EXOC4: variants seen among roughly 807,000 people sequenced by gnomAD.
EXOC4 encodes the protein exocyst complex component 4, also known as SEC8-like 1.
A neutral mutation model predicts 107.2 loss-of-function variants in EXOC4; 71 were observed. The ratio of observed to expected loss-of-function variants is 0.66; its 90% CI spans 0.55 to 0.81. EXOC4 has a LOEUF of 0.81. Ranked by LOEUF, EXOC4 falls within the 30% of genes least tolerant of loss-of-function variation. EXOC4 has a pLI of 0.00. For synonymous variants in EXOC4, 456 were observed against 441.2 expected (o/e 1.03, Z -0.42); for missense variants, 1,108 against 1,189.6 (o/e 0.93, Z 1.01).
At position 134,038,591 on chromosome 7, in the gene EXOC4, C is replaced by G. The variant is rs567324748; in HGVS notation, c.2688-25700C>G. Among the ~76,000 whole-genome samples, 6 of 152,198 alleles carry G rather than the reference C, an allele frequency of 3.9e-5. No homozygotes were observed. The East Asian group carries it at 9.7e-4, about 24-fold the overall frequency. On this transcript the variant is annotated intron_variant, in intron 17 of 17. Transcript: ENST00000253861. The stretch of plus-strand genomic sequence containing the variant: ...TATTCTCTATTGCTTCCTTCTGATT[C>G]CTCATCTCTTTCCCAGTCTCCACCC...
intron 9 of EXOC4, among the ~76,000 whole-genome samples, chr7:133,534,635 A>G (rs992260406): frequency 6.6e-6 from 1 of 152,222 alleles, no homozygotes; most frequent in Non-Finnish European, 1.5e-5. Context: ...ATTAACATGT[A>G]TATACACTCG....
intron 9 of EXOC4, chr7:133,551,479 T>A (rs1800588370): frequency 6.6e-6 from 1 of 152,172 alleles, no homozygotes; most frequent in Non-Finnish European, 1.5e-5. Context: ...TTGCTCTCTT[T>A]TTTGGAAGGA....
chr7:133,534,262 C>T (rs1326053937), intron 9 of EXOC4, among the ~76,000 whole-genome samples: 1 of 152,108 alleles, frequency 6.6e-6, no homozygotes, highest in African/African-American at 2.4e-5. Flanking sequence ...TTGAAATGTA[C>T]ATTTGCACAA....
chr7:133,653,154 T>TA (rs549537018), intron 10 of EXOC4, among the ~76,000 whole-genome samples: 9 of 152,310 alleles, frequency 5.9e-5, no homozygotes, highest in Admixed American at 5.9e-4. Context: ...TTCTACATAT[T>TA]ACATGGTGGG....
At chr7:133,604,891 T>C (rs1801902694) in intron 9 of EXOC4, among the ~76,000 whole-genome samples, 1 of 151,682 alleles carries the variant, frequency 6.6e-6, no homozygotes. Flanking sequence ...ACCCAGCTAA[T>C]ATTTTTTATT....
At chr7:133,297,887 G>T (rs1481367161) in intron 3 of EXOC4, among the ~76,000 whole-genome samples, 1 of 152,202 alleles carries the variant, frequency 6.6e-6, no homozygotes, top group African/African-American at 2.4e-5. Context: ...TCTAAGTCGA[G>T]AATAATACCT....
At chr7:133,517,737 A>G (rs1799905545) in intron 9 of EXOC4, among the ~76,000 whole-genome samples, 1 of 152,178 alleles carries the variant, frequency 6.6e-6, no homozygotes, top group Non-Finnish European at 1.5e-5. Context: ...CGTGGTAATT[A>G]AGGGAGCTAC....
At chr7:133,413,091 A>C (rs765431587) in intron 7 of EXOC4, among the ~76,000 whole-genome samples, 9 of 152,094 alleles carry the variant, frequency 5.9e-5, no homozygotes, top group Non-Finnish European at 1.0e-4. Flanking sequence ...GAACGACTGT[A>C]TTTCCAGCTG....
chr7:133,480,351 A>T (rs1563081726), intron 9 of EXOC4: 1 of 1,369,976 alleles, frequency 7.3e-7, no homozygotes, highest in Non-Finnish European at 9.4e-7. Flanking sequence ...GCTACTGTTC[A>T]AGTGGGAATT....
At chr7:133,503,307 A>G (rs1799608997) in intron 9 of EXOC4, among the ~76,000 whole-genome samples, 2 of 152,212 alleles carry the variant, frequency 1.3e-5, no homozygotes, top group Non-Finnish European at 2.9e-5. Context: ...AGCAGATTCC[A>G]GAATACACCA....
At chr7:133,792,666 A>T (rs1344286028) in intron 10 of EXOC4, among the ~76,000 whole-genome samples, 2 of 150,830 alleles carry the variant, frequency 1.3e-5, no homozygotes, top group East Asian at 3.9e-4. Flanking sequence ...CCTGTTGTAG[A>T]AGAAAATTGT....
At chr7:133,554,520 A>G (rs1380125272) in intron 9 of EXOC4, among the ~76,000 whole-genome samples, 1 of 152,142 alleles carries the variant, frequency 6.6e-6, no homozygotes, top group Non-Finnish European at 1.5e-5. Context: ...ATGCTACTAA[A>G]TTGATGCCTT....
rs1402278202 is a variant in EXOC4 at position 133,960,952 on chromosome 7, TG to T, written c.2206+22885del. 2.0e-5 allele frequency among the ~76,000 whole-genome samples: 3 copies of T among 152,272 alleles called. No homozygotes were observed. In the East Asian group the frequency reaches 5.8e-4, roughly 29 times the overall value. On this transcript the variant is annotated intron_variant, in intron 14 of 17. Coordinates refer to ENST00000253861, the MANE Select transcript of EXOC4 (RefSeq NM_021807.4). Reference sequence around the variant, plus strand: ...GTGTAAGTTTGGTAGGCAGAACAAATGGCTCCCCAACGATGTCCACGTCCTA... The same window carrying T: ...GTGTAAGTTTGGTAGGCAGAACAAATGCTCCCCAACGATGTCCACGTCCTA...
At chr7:133,598,469 A>T (rs1282320435) in intron 9 of EXOC4, among the ~76,000 whole-genome samples, 1 of 152,192 alleles carries the variant, frequency 6.6e-6, no homozygotes, top group East Asian at 1.9e-4. Flanking sequence ...GAAGGTATTG[A>T]GTTCTTAAAA....
intron 9 of EXOC4, among the ~76,000 whole-genome samples, chr7:133,577,216 A>G (rs967625093): frequency 1.6e-4 from 24 of 152,340 alleles, no homozygotes; most frequent in East Asian, 1.5e-3. Context: ...CATTCACTCT[A>G]TTTAATGTAT....
intron 9 of EXOC4, among the ~76,000 whole-genome samples, chr7:133,498,966 A>C (rs763031794): frequency 3.9e-5 from 6 of 152,162 alleles, no homozygotes; most frequent in Non-Finnish European, 8.8e-5. Context: ...TGCCATCTTT[A>C]AGATAACGTT....
At chr7:133,430,568 G>A (rs887306671) in intron 7 of EXOC4, among the ~76,000 whole-genome samples, 24 of 152,038 alleles carry the variant, frequency 1.6e-4, no homozygotes, top group African/African-American at 5.8e-4. Context: ...TAATAATGCT[G>A]CTATAAAAAT....
At chr7:133,615,378 A>G (rs1802170863) in intron 9 of EXOC4, among the ~76,000 whole-genome samples, 1 of 152,128 alleles carries the variant, frequency 6.6e-6, no homozygotes. Flanking sequence ...TGATTTCCTT[A>G]TCTGTAGCTT....
intron 10 of EXOC4, among the ~76,000 whole-genome samples, chr7:133,799,390 CTCA>C (rs1796885601): frequency 6.6e-6 from 1 of 152,208 alleles, no homozygotes; most frequent in Non-Finnish European, 1.5e-5. Flanking sequence ...GGGACACATT[CTCA>C]TCGAGTGGAA....
Sources: gnomAD v4.1 joint callset for allele counts (sites outside exome capture counted in the v4.1 genomes callset) on GRCh38, gnomAD v4.1.1 for gene constraint, MANE v1.5 for transcripts, NCBI Gene and HGNC (gene_info 2026-07-23, HGNC 2026-07-21) for gene names.